Variants in GLIS3 observed in about 807,000 individuals in gnomAD.
The protein encoded by GLIS3 is GLIS family zinc finger 3.
In GLIS3, 53 loss-of-function variants were observed where a neutral mutation model predicts 78.6. The ratio of observed to expected loss-of-function variants is 0.67; its 90% CI spans 0.54 to 0.85. The LOEUF is 0.85. Ranked by LOEUF, GLIS3 falls within the 40% of genes least tolerant of loss-of-function variation. The pLI is 0.00. For synonymous variants in GLIS3, 684 were observed against 509.9 expected (o/e 1.34, Z -4.60); for missense variants, 1,703 against 1,231.1 (o/e 1.38, Z -5.74).
the GLIS3 span, among the ~76,000 whole-genome samples, chr9:4,381,921 G>T: frequency 6.6e-6 from 1 of 152,170 alleles, no homozygotes; most frequent in Non-Finnish European, 1.5e-5. Context: ...AATTGGTCCC[G>T]GCTGTGGCTA....
the GLIS3 span, among the ~76,000 whole-genome samples, chr9:4,437,935 C>T: frequency 6.6e-6 from 1 of 152,172 alleles, no homozygotes; most frequent in African/African-American, 2.4e-5. Context: ...TGTTAATTGA[C>T]TGTTTATGTT....
At chr9:4,322,077 G>A (rs912694540) in intron 2 of GLIS3, among the ~76,000 whole-genome samples, 15 of 152,062 alleles carry the variant, frequency 9.9e-5, no homozygotes, top group Non-Finnish European at 2.1e-4. Context: ...CCCGCCCTGT[G>A]TCCAAGTGTT....
the GLIS3 span, among the ~76,000 whole-genome samples, chr9:4,453,025 T>A: frequency 1.3e-5 from 2 of 152,286 alleles, no homozygotes; most frequent in Non-Finnish European, 2.9e-5. Context: ...TACCACCATC[T>A]GATATTTGAC....
At chr9:4,128,853 C>T (rs1352381855) in intron 2 of GLIS3, among the ~76,000 whole-genome samples, 1 of 152,212 alleles carries the variant, frequency 6.6e-6, no homozygotes, top group Non-Finnish European at 1.5e-5. Flanking sequence ...TACTATACCA[C>T]CTCCTACTCC....
At chr9:4,393,904 G>T in the GLIS3 span, among the ~76,000 whole-genome samples, 1 of 152,176 alleles carries the variant, frequency 6.6e-6, no homozygotes, top group Non-Finnish European at 1.5e-5. Context: ...GTAATATAAT[G>T]ATCCTTTCTA....
intron 2 of GLIS3, among the ~76,000 whole-genome samples, chr9:4,264,528 A>G (rs759549382): frequency 1.3e-5 from 2 of 152,176 alleles, no homozygotes; most frequent in Non-Finnish European, 2.9e-5. Context: ...TTCCTATCTC[A>G]GTCTATAAGA....
chr9:4,093,619 G>A (rs1829702674), intron 4 of GLIS3, among the ~76,000 whole-genome samples: 1 of 152,080 alleles, frequency 6.6e-6, no homozygotes, highest in South Asian at 2.1e-4. Context: ...GTATGATAAG[G>A]GGCTATAAAT....
At chr9:4,318,952 A>C (rs775598924) in intron 2 of GLIS3, among the ~76,000 whole-genome samples, 2 of 152,238 alleles carry the variant, frequency 1.3e-5, no homozygotes, top group African/African-American at 2.4e-5. Flanking sequence ...CAGTATTTAC[A>C]TGGTATTCCT....
intron 2 of GLIS3, among the ~76,000 whole-genome samples, chr9:4,265,656 G>C (rs1383561885): frequency 6.6e-6 from 1 of 152,132 alleles, no homozygotes; most frequent in Non-Finnish European, 1.5e-5. Flanking sequence ...TCCAAATATA[G>C]TTCAACAAAG....
chr9:3,872,823 A>G (rs1258187545), intron 8 of GLIS3, among the ~76,000 whole-genome samples: 3 of 152,256 alleles, frequency 2.0e-5, no homozygotes, highest in African/African-American at 7.2e-5. Context: ...ATATCAAAAA[A>G]GTAGAAAGAT....
intron 4 of GLIS3, among the ~76,000 whole-genome samples, chr9:4,116,013 T>A (rs751783212): frequency 1.3e-5 from 2 of 152,222 alleles, no homozygotes; most frequent in Non-Finnish European, 2.9e-5. Flanking sequence ...AGTATTTATA[T>A]TTTTGATATT....
chr9:4,145,227 T>C (rs1342022196), intron 2 of GLIS3: 3 of 152,226 alleles, frequency 2.0e-5, no homozygotes, highest in Admixed American at 6.5e-5. Context: ...GAAAATAAAC[T>C]GATCCAGGAT....
At chr9:4,349,230 G>A (rs559613111), upstream of GLIS3, among the ~76,000 whole-genome samples, 6 of 152,180 alleles carry the variant, frequency 3.9e-5, no homozygotes, top group African/African-American at 1.4e-4. Context: ...GATAGGTGTT[G>A]TCAGTGGCAC....
chr9:4,467,958 CT>C, the GLIS3 span, among the ~76,000 whole-genome samples: 7 of 152,122 alleles, frequency 4.6e-5, no homozygotes, highest in African/African-American at 1.4e-4. Context: ...CCTGATGGAG[CT>C]GAAATTCATG....
the GLIS3 span, among the ~76,000 whole-genome samples, chr9:4,433,157 C>T: frequency 5.9e-5 from 9 of 152,168 alleles, no homozygotes; most frequent in Non-Finnish European, 1.0e-4. Context: ...AATGGCCAGG[C>T]GCTATGGCCC....
chr9:4,316,482 G>C (rs1817438161), intron 2 of GLIS3, among the ~76,000 whole-genome samples: 1 of 152,154 alleles, frequency 6.6e-6, no homozygotes, highest in South Asian at 2.1e-4. Flanking sequence ...TGATAACATT[G>C]ATGAGAAAAA....
At chr9:4,132,275 GC>G (rs1564096311) in intron 2 of GLIS3, among the ~76,000 whole-genome samples, 2 of 152,126 alleles carry the variant, frequency 1.3e-5, no homozygotes, top group East Asian at 3.9e-4. Context: ...ATACATTCTA[GC>G]CAAAATCACT....
Position 3,861,779 on chromosome 9 carries a change from C to T in GLIS3, c.2298-5595G>A, listed in dbSNP as rs1443794585. Among the ~76,000 whole-genome samples the T allele has an allele frequency of 2.0e-5, 3 of 152,034 alleles. No individual in the cohort carries two copies. In the East Asian group the frequency reaches 5.8e-4, roughly 29 times the overall value. On this transcript the variant is annotated intron_variant, in intron 8 of 10. Coordinates refer to ENST00000381971, the MANE Select transcript of GLIS3 (RefSeq NM_001042413.2). ...GGAGGGGAACAGCACACACTGGGGC[C>T]TGTTAGTGGGTGCAGGGGAGGGAGA...
chr9:4,075,932 G>C (rs1363842524), intron 4 of GLIS3, among the ~76,000 whole-genome samples: 1 of 152,160 alleles, frequency 6.6e-6, no homozygotes, highest in Non-Finnish European at 1.5e-5. Flanking sequence ...AGAAAGCAGA[G>C]AAGTGGCTCC....
Sources: gnomAD v4.1 joint callset for allele counts (sites outside exome capture counted in the v4.1 genomes callset) on GRCh38, gnomAD v4.1.1 for gene constraint, MANE v1.5 for transcripts, NCBI Gene and HGNC (gene_info 2026-07-23, HGNC 2026-07-21) for gene names.